NFKB1: variants seen among roughly 807,000 people sequenced by gnomAD.
NFKB1 encodes the protein nuclear factor kappa B subunit 1, also known as nuclear factor NF-kappa-B p105 subunit.
A neutral mutation model predicts 105.1 loss-of-function variants in NFKB1; 9 were observed. The observed-to-expected ratio is 0.09, with a 90% CI of 0.05 to 0.15. NFKB1 has a LOEUF of 0.15. Among genes scored for constraint, NFKB1 ranks in the 10% least tolerant of loss-of-function variants. The pLI is 1.00. For missense variants in NFKB1, 830 were observed against 1,203.7 expected, an observed-to-expected ratio of 0.69 and a Z score of 4.59; for synonymous variants, 440 against 442.2, an observed-to-expected ratio of 1.00 and a Z score of 0.06.
At chr4:102,554,147 G>T (rs1722815862) in intron 5 of NFKB1, among the ~76,000 whole-genome samples, 1 of 152,076 alleles carries the variant, frequency 6.6e-6, no homozygotes, top group East Asian at 1.9e-4. Flanking sequence ...TTCTGCAAAT[G>T]AAGAATTAAA....
intron 21 of NFKB1, 100 bp downstream of exon 21, chr4:102,612,210 C>A (rs189541464): frequency 1.7e-6 from 2 of 1,186,302 alleles, no homozygotes; most frequent in Admixed American, 4.1e-5. Context: ...GTTAAAAGTT[C>A]TTATTTCAGA....
At chr4:102,587,169 C>T (rs1348910168) in intron 11 of NFKB1, among the ~76,000 whole-genome samples, 1 of 152,152 alleles carries the variant, frequency 6.6e-6, no homozygotes, top group Non-Finnish European at 1.5e-5. Flanking sequence ...AGAGGCTGTC[C>T]CACCTCTCCT....
chr4:102,504,968 T>C (rs1028681197), intron 1 of NFKB1, among the ~76,000 whole-genome samples: 1 of 152,202 alleles, frequency 6.6e-6, no homozygotes, highest in Non-Finnish European at 1.5e-5. Flanking sequence ...TTTATCTTTG[T>C]AGTATTTCAT....
intron 1 of NFKB1, chr4:102,503,389 A>G (rs1349678129): frequency 6.6e-6 from 1 of 152,022 alleles, no homozygotes; most frequent in Non-Finnish European, 1.5e-5. Context: ...AAACTTGAAC[A>G]CAAAGGAACA....
intron 5 of NFKB1, among the ~76,000 whole-genome samples, chr4:102,539,306 T>G (rs1005146734): frequency 6.6e-6 from 1 of 151,842 alleles, no homozygotes; most frequent in Non-Finnish European, 1.5e-5. Context: ...TGTTTCTTCC[T>G]TTTCCTCTTA....
Position 102,576,869 on chromosome 4 carries a change from T to TC in NFKB1, c.408-6dup, listed in dbSNP as rs1560688897. ...TGTTGCTGCTGCTGTTACTGTTTTT[T>TC]CTCCAGCTTCGCAAACCTGGGTATA... is the stretch of plus-strand genomic sequence containing the variant. On this transcript the variant is annotated splice_polypyrimidine_tract_variant and splice_region_variant and intron_variant, in intron 6 of 23. Transcript: ENST00000226574. 1.9e-6 allele frequency: 3 copies of TC among 1,602,820 alleles called. No homozygotes were observed. The highest frequency in any genetic ancestry group is 2.6e-6 in the Non-Finnish European group (3 of 1,175,888).
chr4:102,579,951 C>T (rs1450352910), intron 8 of NFKB1, among the ~76,000 whole-genome samples: 1 of 151,336 alleles, frequency 6.6e-6, no homozygotes, highest in East Asian at 1.9e-4. Context: ...CGCAGAATCA[C>T]CTTAAAATGC....
chr4:102,529,980 TAATAGTC>T (rs1741181393), intron 3 of NFKB1, 66 bp downstream of exon 3: 1 of 1,181,662 alleles, frequency 8.5e-7, no homozygotes, highest in African/African-American at 1.5e-5. Flanking sequence ...CAGGATTTGT[TAATAGTC>T]TGTCCTAGAA....
intron 5 of NFKB1, among the ~76,000 whole-genome samples, chr4:102,546,923 T>C (rs926425169): frequency 2.0e-5 from 3 of 152,162 alleles, no homozygotes; most frequent in Admixed American, 6.5e-5. Context: ...AAGTGTATGC[T>C]CCCTGAATAG....
intron 23 of NFKB1, 92 bp from the exon 24 acceptor site, chr4:102,616,342 G>C (rs1728938099): frequency 1.4e-6 from 2 of 1,414,760 alleles, no homozygotes; most frequent in Non-Finnish European, 2.0e-6. Context: ...GTGGCTGGCA[G>C]AAGCCAGTGG....
chr4:102,598,609 T>C (rs2149210210), intron 15 of NFKB1, among the ~76,000 whole-genome samples: 1 of 152,320 alleles, frequency 6.6e-6, no homozygotes, highest in South Asian at 2.1e-4. Context: ...GAGGAACCAG[T>C]ACAACCTTCT....
At chr4:102,520,078 T>G (rs924073563) in intron 1 of NFKB1, among the ~76,000 whole-genome samples, 4 of 152,152 alleles carry the variant, frequency 2.6e-5, no homozygotes, top group African/African-American at 9.7e-5. Context: ...ATCTGTAGCC[T>G]CTATACACTA....
chr4:102,511,330 G>A (rs1739767478), intron 1 of NFKB1, among the ~76,000 whole-genome samples: 1 of 152,218 alleles, frequency 6.6e-6, no homozygotes, highest in Non-Finnish European at 1.5e-5. Flanking sequence ...TGCCAAACAA[G>A]ACAGAAATCC....
At chr4:102,522,770 C>T (rs1411519351) in intron 1 of NFKB1, among the ~76,000 whole-genome samples, 1 of 152,078 alleles carries the variant, frequency 6.6e-6, no homozygotes, top group Non-Finnish European at 1.5e-5. Context: ...CGACAGAAAG[C>T]TTAAGGGCAA....
chr4:102,613,156 T>C (rs1728584093), intron 22 of NFKB1, among the ~76,000 whole-genome samples: 1 of 152,112 alleles, frequency 6.6e-6, no homozygotes, highest in African/African-American at 2.4e-5. Flanking sequence ...TAGGCAGAGT[T>C]TCACTGCCTC....
intron 1 of NFKB1, among the ~76,000 whole-genome samples, chr4:102,504,238 G>A (rs772476045): frequency 6.6e-6 from 1 of 152,154 alleles, no homozygotes; most frequent in African/African-American, 2.4e-5. Context: ...CTTAGTAGAT[G>A]TGCTATTCTG....
chr4:102,561,473 G>C (rs147055980), intron 5 of NFKB1, among the ~76,000 whole-genome samples: 5 of 152,170 alleles, frequency 3.3e-5, no homozygotes, highest in Admixed American at 1.3e-4. Flanking sequence ...CAAACAAGGT[G>C]TTTAGGAATA....
intron 2 of NFKB1, among the ~76,000 whole-genome samples, chr4:102,526,592 A>G (rs546659912): frequency 1.3e-5 from 2 of 152,304 alleles, no homozygotes; most frequent in African/African-American, 2.4e-5. Flanking sequence ...AGATCTTTAT[A>G]TAAGTACTGA....
rs1341808326 is a variant in NFKB1, at chr4:102,613,556, G to A, written c.2724G>A (p.Ser908=). The change falls in exon 23 of 24, where the codon TCG becomes TCA. Residue 908 remains serine (S), a synonymous_variant. Coordinates refer to ENST00000226574, the MANE Select transcript of NFKB1 (RefSeq NM_003998.4). ...TTSQAHSLPL[S]PASTRQQIDE... Reference sequence around the variant, plus strand: ...CTCAGGCCCACTCGCTGCCTCTCTCGCCTGCCTCCACAAGGCAGCAAATAG... The same window carrying A: ...CTCAGGCCCACTCGCTGCCTCTCTCACCTGCCTCCACAAGGCAGCAAATAG... 6 of 1,613,300 alleles carry A rather than the reference G, an allele frequency of 3.7e-6. No individual in the cohort carries two copies. Among genetic ancestry groups the A allele is most frequent in the East Asian group, 4.5e-5 (2 of 44,862 alleles).
Sources: gnomAD v4.1 joint callset for allele counts (sites outside exome capture counted in the v4.1 genomes callset) on GRCh38, gnomAD v4.1.1 for gene constraint, MANE v1.5 for transcripts, NCBI Gene and HGNC (gene_info 2026-07-23, HGNC 2026-07-21) for gene names.